ITGB8: variants seen among roughly 807,000 people sequenced by gnomAD.
ITGB8 encodes integrin subunit beta 8.
Under a neutral mutation model 89.5 loss-of-function variants are expected in ITGB8, and 30 were observed. The observed-to-expected ratio is 0.34, with a 90% CI of 0.25 to 0.45. ITGB8 has a LOEUF of 0.45. ITGB8 is among the 20% of genes least tolerant of loss of function. ITGB8 has a pLI of 1.00. For synonymous variants in ITGB8, 335 were observed against 320.4 expected (o/e 1.05, Z -0.49); for missense variants, 836 against 933.3 (o/e 0.90, Z 1.36).
Position 20,379,235 on chromosome 7 carries a change from C to T in ITGB8, c.573C>T (p.Tyr191=), listed in dbSNP as rs61753133. 7.4e-3 allele frequency: 11,929 copies of T among 1,610,432 alleles called. 59 individuals carry two copies. Among genetic ancestry groups the T allele is most frequent in the Non-Finnish European group, 8.9e-3 (10,508 of 1,177,442 alleles). The change falls in exon 4 of 14, where the codon TAC becomes TAT. Residue 191 remains tyrosine (Y), a synonymous_variant. Coordinates refer to ENST00000222573, the MANE Select transcript of ITGB8 (RefSeq NM_002214.3). ...ACTTTCGTCTTGGATTTGGCTCATA[C>T]GTTGATAAAACAGTTTCACCATACA... is the stretch of plus-strand genomic sequence containing the variant. The part of the protein sequence containing the change: ...SRDFRLGFGS[Y]VDKTVSPYIS...
Position 20,401,874 on chromosome 7 carries a change from G to C in ITGB8, c.1435G>C (p.Gly479Arg). The change falls in exon 10 of 14, where the codon GGA becomes CGA. Residue 479 changes from glycine (G) to arginine (R), a missense_variant. Coordinates refer to ENST00000222573, the MANE Select transcript of ITGB8 (RefSeq NM_002214.3). ...GTGTGAGGACAACAGAGGACCTAAA[G>C]GAAAGTGTGTAGATGAAACTTTTCT... The part of the protein sequence containing the change: ...CQCEDNRGPK[G>R]KCVDETFLDS... 1 of 1,614,102 alleles carries C rather than the reference G, an allele frequency of 6.2e-7. No individual in the cohort carries two copies. Among genetic ancestry groups the C allele is most frequent in the Non-Finnish European group, 8.5e-7 (1 of 1,180,002 alleles).
chr7:20,396,601 A>G (rs1158014578), intron 8 of ITGB8, among the ~76,000 whole-genome samples: 6 of 152,150 alleles, frequency 3.9e-5, no homozygotes, highest in African/African-American at 1.4e-4. Context: ...ACAAAAAAGA[A>G]CAGTGAGACT....
intron 1 of ITGB8, chr7:20,352,554 A>G (rs1785147259): frequency 1.3e-5 from 2 of 152,218 alleles, no homozygotes; most frequent in Admixed American, 1.3e-4. Flanking sequence ...TGTATATAAG[A>G]TATAATCTGA....
chr7:20,376,219 G>T (rs1786138007), intron 3 of ITGB8, among the ~76,000 whole-genome samples: 1 of 152,160 alleles, frequency 6.6e-6, no homozygotes, highest in Non-Finnish European at 1.5e-5. Flanking sequence ...ACGTCCCCAT[G>T]CCAACTAGAG....
At chr7:20,368,827 G>A (rs926089493) in intron 3 of ITGB8, among the ~76,000 whole-genome samples, 6 of 151,790 alleles carry the variant, frequency 4.0e-5, no homozygotes, top group African/African-American at 1.5e-4. Flanking sequence ...ATCCTACTAG[G>A]TTTGTAATCC....
At chr7:20,349,636 T>C (rs1433998780) in intron 1 of ITGB8, among the ~76,000 whole-genome samples, 1 of 152,178 alleles carries the variant, frequency 6.6e-6, no homozygotes, top group Non-Finnish European at 1.5e-5. Context: ...ATGCCGTATA[T>C]GCCGTATAGG....
chr7:20,389,258 TC>T (rs1786758525), intron 6 of ITGB8, among the ~76,000 whole-genome samples: 1 of 152,188 alleles, frequency 6.6e-6, no homozygotes, highest in Admixed American at 6.5e-5. Context: ...GTAAAAGCAT[TC>T]CTATTTTTCC....
Position 20,408,508 on chromosome 7 carries a change from A to G in ITGB8, c.2024-1107A>G, listed in dbSNP as rs553776614. ...CTGGAAATTCTGACCCAAATCACCC[A>G]GGATTGGTTGGGCGGTCCACTATGC... On this transcript the variant is annotated intron_variant, in intron 12 of 13. Coordinates refer to ENST00000222573, the MANE Select transcript of ITGB8 (RefSeq NM_002214.3). 7.2e-5 allele frequency among the ~76,000 whole-genome samples: 11 copies of G among 152,238 alleles called. No homozygotes were observed. In the East Asian group the frequency reaches 1.9e-3, roughly 27 times the overall value.
intron 1 of ITGB8, among the ~76,000 whole-genome samples, chr7:20,333,383 T>G (rs900899585): frequency 1.3e-5 from 2 of 152,188 alleles, no homozygotes; most frequent in African/African-American, 4.8e-5. Flanking sequence ...CATGCATTTG[T>G]TGCAGCAAAT....
chr7:20,377,656 G>C (rs1357688480), intron 3 of ITGB8, among the ~76,000 whole-genome samples: 2 of 152,180 alleles, frequency 1.3e-5, no homozygotes, highest in Non-Finnish European at 1.5e-5. Context: ...GCTTCTGAAG[G>C]CAAGGGATGA....
At chr7:20,340,712 A>G (rs941012328) in intron 1 of ITGB8, among the ~76,000 whole-genome samples, 2 of 152,158 alleles carry the variant, frequency 1.3e-5, no homozygotes, top group Non-Finnish European at 2.9e-5. Context: ...AGTAAGGACC[A>G]TATATTTAGG....
intron 7 of ITGB8, among the ~76,000 whole-genome samples, chr7:20,392,049 C>G (rs935944552): frequency 6.6e-6 from 1 of 152,000 alleles, no homozygotes; most frequent in East Asian, 1.9e-4. Context: ...GTCTTTTGGG[C>G]CAGGTGAGAC....
At chr7:20,379,321 T>C in intron 4 of ITGB8, 24 bp downstream of exon 4, 2 of 1,431,524 alleles carry the variant, frequency 1.4e-6, no homozygotes, top group Non-Finnish European at 1.9e-6. Context: ...GATGTGGATA[T>C]GCTAAATTAA....
intron 6 of ITGB8, among the ~76,000 whole-genome samples, chr7:20,387,525 G>C (rs557313711): frequency 6.6e-6 from 1 of 152,180 alleles, no homozygotes; most frequent in Non-Finnish European, 1.5e-5. Flanking sequence ...AAGCCCAGAT[G>C]ATCTGTTTTC....
At chr7:20,373,360 G>A (rs143921809) in intron 3 of ITGB8, among the ~76,000 whole-genome samples, 7 of 152,200 alleles carry the variant, frequency 4.6e-5, no homozygotes, top group African/African-American at 1.7e-4. Flanking sequence ...AAGGAAACTG[G>A]ATATTAACTC....
At position 20,356,145 on chromosome 7, in the gene ITGB8, A is replaced by G. The variant is rs143380661; in HGVS notation, c.128-7492A>G. 9.9e-5 allele frequency among the ~76,000 whole-genome samples: 15 copies of G among 152,078 alleles called. No individual in the cohort carries two copies. In the East Asian group the frequency reaches 2.5e-3, roughly 25 times the overall value. ...CTTAATCCCTCGTAACATTTAACTG[A>G]CTTTTGTTTTGTTTCCTGTACCTTA... On this transcript the variant is annotated intron_variant, in intron 1 of 13. Transcript: ENST00000222573.
intron 1 of ITGB8, among the ~76,000 whole-genome samples, chr7:20,336,706 G>C (rs562773174): frequency 1.2e-3 from 190 of 152,252 alleles, no homozygotes; most frequent in Non-Finnish European, 1.8e-3. Context: ...GCTCCCCATT[G>C]TCTTCAGGCT....
At chr7:20,347,147 G>A (rs375611048) in intron 1 of ITGB8, among the ~76,000 whole-genome samples, 3 of 152,250 alleles carry the variant, frequency 2.0e-5, no homozygotes, top group East Asian at 1.9e-4. Flanking sequence ...CCTTTGTCTT[G>A]GACTTGCCGG....
chr7:20,337,890 T>A (rs1403491099), intron 1 of ITGB8, among the ~76,000 whole-genome samples: 1 of 152,324 alleles, frequency 6.6e-6, no homozygotes, highest in East Asian at 1.9e-4. Context: ...ACTACTTTTA[T>A]GGCCTGCCTT....
Sources: allele counts gnomAD v4.1 joint callset (sites outside exome capture counted in the v4.1 genomes callset), GRCh38; gene constraint gnomAD v4.1.1; transcripts MANE v1.5; gene names NCBI Gene and HGNC (gene_info 2026-07-23, HGNC 2026-07-21).